GRIK4: variants seen among roughly 807,000 people sequenced by gnomAD.
GRIK4 encodes glutamate ionotropic receptor kainate type subunit 4.
Under a neutral mutation model 104.9 loss-of-function variants are expected in GRIK4, and 40 were observed. The observed-to-expected ratio is 0.38, with a 90% CI of 0.30 to 0.50. The LOEUF is 0.50. Ranked by LOEUF, GRIK4 falls within the 20% of genes least tolerant of loss-of-function variation. The probability of loss-of-function intolerance (pLI) is 0.93; values close to 1 mark genes in which losing one functional copy is unlikely to be tolerated. For missense variants in GRIK4, 1,047 were observed against 1,308.1 expected (o/e 0.80, Z 3.08); for synonymous variants, 485 against 524.9 (o/e 0.92, Z 1.04).
At chr11:120,516,480 G>A (rs1159892832) in intron 1 of GRIK4, among the ~76,000 whole-genome samples, 3 of 152,036 alleles carry the variant, frequency 2.0e-5, no homozygotes, top group Admixed American at 6.6e-5. Context: ...AGGGAGCAGC[G>A]GATTGTCACG....
chr11:120,842,691 A>AT (rs1953747615), intron 8 of GRIK4, among the ~76,000 whole-genome samples: 1 of 152,248 alleles, frequency 6.6e-6, no homozygotes, highest in Non-Finnish European at 1.5e-5. Flanking sequence ...TAGGGCAGTT[A>AT]TAGATGCACT....
intron 1 of GRIK4, chr11:120,575,999 A>C (rs1459666927): frequency 6.6e-6 from 1 of 151,904 alleles, no homozygotes; most frequent in Non-Finnish European, 1.5e-5. Context: ...ATCCTGCTGC[A>C]TGCAGCTGGA....
chr11:120,518,291 G>T (rs1004276105), intron 1 of GRIK4, among the ~76,000 whole-genome samples: 7 of 151,884 alleles, frequency 4.6e-5, no homozygotes, highest in Non-Finnish European at 1.0e-4. Flanking sequence ...CGGCAGCTGT[G>T]CTGAGCACGA....
At chr11:120,824,522 TTA>T (rs1467710019) in intron 6 of GRIK4, among the ~76,000 whole-genome samples, 2 of 151,966 alleles carry the variant, frequency 1.3e-5, no homozygotes, top group East Asian at 3.9e-4. Flanking sequence ...GTCTCAAATC[TTA>T]TTTTTTTTCC....
intron 1 of GRIK4, among the ~76,000 whole-genome samples, chr11:120,586,808 T>C (rs1285638380): frequency 6.6e-6 from 1 of 152,164 alleles, no homozygotes; most frequent in Non-Finnish European, 1.5e-5. Context: ...AACCTCTCCC[T>C]GCTTTAGCCT....
intron 16 of GRIK4, among the ~76,000 whole-genome samples, chr11:120,957,874 T>C (rs528423676): frequency 6.6e-6 from 1 of 152,310 alleles, no homozygotes; most frequent in Non-Finnish European, 1.5e-5. Flanking sequence ...GCAGCTGAGA[T>C]AGCCATGCCT....
chr11:120,628,008 G>A (rs530113266), intron 1 of GRIK4, among the ~76,000 whole-genome samples: 2 of 152,332 alleles, frequency 1.3e-5, no homozygotes, highest in South Asian at 2.1e-4. Context: ...TGAAGATGGT[G>A]AGAGGCAATG....
At position 120,796,572 on chromosome 11, in the gene GRIK4, G is replaced by A. The variant is rs137968429; in HGVS notation, c.83-6121G>A. ...TCAGAGAGGGCTTCCTGGAAGAGGC[G>A]CCTGAGGGAGAGAAGAGCCCTGGTA... On this transcript the variant is annotated intron_variant, in intron 3 of 20. Coordinates refer to ENST00000527524, the MANE Select transcript of GRIK4 (RefSeq NM_014619.5). 6.2e-4 allele frequency among the ~76,000 whole-genome samples: 95 copies of A among 152,198 alleles called. No individual in the cohort carries two copies. In the Middle Eastern group the frequency reaches 0.014, roughly 22 times the overall value.
At chr11:120,934,423 G>A (rs1298874407) in intron 13 of GRIK4, among the ~76,000 whole-genome samples, 1 of 152,066 alleles carries the variant, frequency 6.6e-6, no homozygotes, top group African/African-American at 2.4e-5. Flanking sequence ...GGAGCAGGGG[G>A]CCCAGGCAGA....
chr11:120,925,429 G>T lies in GRIK4; in HGVS notation c.1477-14918G>T, dbSNP rs558859803. Among the ~76,000 whole-genome samples the T allele has an allele frequency of 1.2e-4, 18 of 152,320 alleles. No homozygotes were observed. The South Asian group carries it at 3.7e-3, about 32-fold the overall frequency. ...TAGCCTCGAAATAAGTGTAGGGCTG[G>T]CTAGGCCAGCACAAGCCCTTGCTCA... On this transcript the variant is annotated intron_variant, in intron 13 of 20. Coordinates refer to ENST00000527524, the MANE Select transcript of GRIK4 (RefSeq NM_014619.5).
chr11:120,869,949 C>T (rs1201151988), intron 9 of GRIK4: 2 of 152,214 alleles, frequency 1.3e-5, no homozygotes, highest in Non-Finnish European at 2.9e-5. Flanking sequence ...AAATCTTTTC[C>T]ATCTCTGCTG....
chr11:120,635,071 A>T (rs541494372), intron 1 of GRIK4, among the ~76,000 whole-genome samples: 1 of 151,976 alleles, frequency 6.6e-6, no homozygotes, highest in Admixed American at 6.6e-5. Context: ...GACAGAGGAG[A>T]TAGGAGGGCA....
intron 6 of GRIK4, among the ~76,000 whole-genome samples, chr11:120,828,165 C>T (rs1221801588): frequency 6.6e-6 from 1 of 152,212 alleles, no homozygotes; most frequent in East Asian, 1.9e-4. Context: ...CAGCAAGCAC[C>T]ATGCACCCTG....
chr11:120,855,184 C>T (rs1299033110), intron 8 of GRIK4, among the ~76,000 whole-genome samples: 1 of 152,172 alleles, frequency 6.6e-6, no homozygotes, highest in Non-Finnish European at 1.5e-5. Flanking sequence ...CTGGACAGCT[C>T]TCAGCAGAAG....
chr11:120,627,654 C>G (rs1484611667), intron 1 of GRIK4, among the ~76,000 whole-genome samples: 4 of 152,172 alleles, frequency 2.6e-5, no homozygotes, highest in African/African-American at 7.2e-5. Flanking sequence ...GCTGCTGCCC[C>G]CTCCCTGAAG....
At chr11:120,894,776 T>C (rs993318114) in intron 11 of GRIK4, 7 of 152,198 alleles carry the variant, frequency 4.6e-5, no homozygotes, top group Non-Finnish European at 8.8e-5. Context: ...AGATTGTCAG[T>C]GATGAAAGAG....
At chr11:120,541,627 G>A (rs1948037335) in intron 1 of GRIK4, among the ~76,000 whole-genome samples, 1 of 151,984 alleles carries the variant, frequency 6.6e-6, no homozygotes, top group African/African-American at 2.4e-5. Flanking sequence ...CAAGTAGCTG[G>A]GACTACAGGT....
intron 1 of GRIK4, among the ~76,000 whole-genome samples, chr11:120,590,073 G>A (rs1948716156): frequency 6.6e-6 from 1 of 152,222 alleles, no homozygotes; most frequent in Non-Finnish European, 1.5e-5. Flanking sequence ...GAGCTGGGAA[G>A]GAGGGTGTGT....
intron 1 of GRIK4, among the ~76,000 whole-genome samples, chr11:120,590,107 A>G (rs369986971): frequency 2.0e-5 from 3 of 152,176 alleles, no homozygotes; most frequent in East Asian, 1.9e-4. Context: ...TCATCCATGA[A>G]GGATTCCTTT....
Sources: gnomAD v4.1 joint callset for allele counts (sites outside exome capture counted in the v4.1 genomes callset) on GRCh38, gnomAD v4.1.1 for gene constraint, MANE v1.5 for transcripts, NCBI Gene and HGNC (gene_info 2026-07-23, HGNC 2026-07-21) for gene names.